The following CAMKMT variants were observed in gnomAD, a reference collection of about 807,000 sequenced individuals.
CAMKMT encodes the protein calmodulin-lysine N-methyltransferase, also known as CaM KMT.
CAMKMT carries 53 observed loss-of-function variants against 48.0 expected under a neutral mutation model. The ratio of observed to expected loss-of-function variants is 1.10; its 90% confidence interval spans 0.89 to 1.39. The LOEUF (loss-of-function observed/expected upper bound fraction) is 1.39. CAMKMT is among the 40% of genes most tolerant of loss of function. CAMKMT has a pLI of 0.00. For missense variants in CAMKMT, 428 were observed against 402.7 expected (o/e 1.06, Z -0.54); for synonymous variants, 165 against 152.3 (o/e 1.08, Z -0.61).
intron 3 of CAMKMT, among the ~76,000 whole-genome samples, chr2:44,441,553 A>C (rs1366175534): frequency 1.3e-5 from 2 of 152,184 alleles, no homozygotes; most frequent in African/African-American, 4.8e-5. Flanking sequence ...GCGCTATCTT[A>C]GGGTAGGGTT....
At chr2:44,637,960 G>T (rs946680442) in intron 3 of CAMKMT, among the ~76,000 whole-genome samples, 49 of 151,534 alleles carry the variant, frequency 3.2e-4, no homozygotes, top group Non-Finnish European at 7.1e-4. Flanking sequence ...GGCTACTTGG[G>T]AGGCTGAGGC....
intron 3 of CAMKMT, among the ~76,000 whole-genome samples, chr2:44,573,942 A>C (rs1669062649): frequency 6.6e-6 from 1 of 152,100 alleles, no homozygotes; most frequent in Non-Finnish European, 1.5e-5. Context: ...ATTATTTTAT[A>C]GTTATGTTTT....
chr2:44,419,859 C>A (rs1243616939), intron 3 of CAMKMT, among the ~76,000 whole-genome samples: 1 of 152,126 alleles, frequency 6.6e-6, no homozygotes, highest in African/African-American at 2.4e-5. Context: ...TATGGTGAGA[C>A]CTCCCCTCTT....
intron 3 of CAMKMT, among the ~76,000 whole-genome samples, chr2:44,460,659 GGGGA>G (rs1271283689): frequency 2.0e-5 from 3 of 151,802 alleles, no homozygotes; most frequent in Non-Finnish European, 4.4e-5. Flanking sequence ...TTTCTTTACA[GGGGA>G]GGTAATAAAC....
intron 3 of CAMKMT, among the ~76,000 whole-genome samples, chr2:44,500,084 T>C (rs940026577): frequency 3.9e-5 from 6 of 152,136 alleles, no homozygotes; most frequent in Non-Finnish European, 8.8e-5. Flanking sequence ...TTAAAATACA[T>C]GAAAAGGACA....
chr2:44,442,883 C>T (rs867082728), intron 3 of CAMKMT, among the ~76,000 whole-genome samples: 6 of 152,148 alleles, frequency 3.9e-5, no homozygotes, highest in South Asian at 2.1e-4. Context: ...TTAATAGGTG[C>T]TCAATAAATG....
At chr2:44,547,773 C>G (rs892579594) in intron 3 of CAMKMT, among the ~76,000 whole-genome samples, 1 of 152,130 alleles carries the variant, frequency 6.6e-6, no homozygotes, top group Non-Finnish European at 1.5e-5. Flanking sequence ...ATATATCTGA[C>G]ACATAGGAGA....
At chr2:44,446,278 C>G (rs1273314090) in intron 3 of CAMKMT, among the ~76,000 whole-genome samples, 1 of 151,966 alleles carries the variant, frequency 6.6e-6, no homozygotes, top group African/African-American at 2.4e-5. Context: ...AGTTATGTGT[C>G]AGGTTCAGTT....
intron 3 of CAMKMT, among the ~76,000 whole-genome samples, chr2:44,659,702 A>G (rs1159466453): frequency 3.3e-5 from 5 of 152,030 alleles, no homozygotes; most frequent in Admixed American, 6.6e-5. Flanking sequence ...CCCTTAATTT[A>G]TACTGTCTAT....
chr2:44,741,244 C>T (rs1488530130), intron 7 of CAMKMT, among the ~76,000 whole-genome samples: 1 of 152,220 alleles, frequency 6.6e-6, no homozygotes, highest in Non-Finnish European at 1.5e-5. Context: ...AGTGGAAGCA[C>T]ATGCTCTCAC....
At chr2:44,584,277 A>C (rs753082603) in intron 3 of CAMKMT, among the ~76,000 whole-genome samples, 3 of 152,252 alleles carry the variant, frequency 2.0e-5, no homozygotes, top group Non-Finnish European at 4.4e-5. Flanking sequence ...ACTGACAAAA[A>C]TAAACCTTAA....
chr2:44,372,702 G>A lies in CAMKMT; in HGVS notation c.139-14G>A. The A allele has an allele frequency of 1.2e-6, 2 of 1,605,086 alleles. No homozygotes were observed. Among genetic ancestry groups the A allele is most frequent in the African/African-American group, 2.7e-5 (2 of 74,246 alleles). On this transcript the variant is annotated splice_polypyrimidine_tract_variant and intron_variant, in intron 1 of 10. Transcript: ENST00000378494. ...TTAGATAACATGACTGCAATATTTG[G>A]CTTTATTTCAAAGGTTCTGAAGCAA...
chr2:44,705,349 C>G, intron 4 of CAMKMT: 1 of 985,312 alleles, frequency 1.0e-6, no homozygotes. Context: ...GAAGAGGAAA[C>G]AATCCTAAGA....
intron 3 of CAMKMT, among the ~76,000 whole-genome samples, chr2:44,546,200 C>T (rs998124651): frequency 4.2e-5 from 6 of 143,538 alleles, no homozygotes; most frequent in Admixed American, 7.5e-5. Context: ...CACACACACA[C>T]ACATACATGC....
intron 3 of CAMKMT, among the ~76,000 whole-genome samples, chr2:44,558,862 G>A (rs570660139): frequency 2.6e-5 from 4 of 152,058 alleles, no homozygotes; most frequent in South Asian, 2.1e-4. Context: ...GGGATTATTC[G>A]TACACCAAAC....
intron 7 of CAMKMT, chr2:44,723,655 AAAT>A (rs996745274): frequency 2.0e-5 from 3 of 149,320 alleles, no homozygotes; most frequent in African/African-American, 5.1e-5. Flanking sequence ...TAAATAAATA[AAAT>A]AATAAAGTTG....
At chr2:44,381,507 G>A (rs564612732) in intron 2 of CAMKMT, among the ~76,000 whole-genome samples, 1 of 152,236 alleles carries the variant, frequency 6.6e-6, no homozygotes, top group South Asian at 2.1e-4. Context: ...AAATAGATTT[G>A]ATGTTTTCCA....
chr2:44,477,096 G>T (rs1256760847), intron 3 of CAMKMT, among the ~76,000 whole-genome samples: 3 of 152,082 alleles, frequency 2.0e-5, no homozygotes, highest in African/African-American at 7.2e-5. Context: ...AACATTGTAG[G>T]CATGTATTAC....
At chr2:44,426,838 A>G (rs1459741914) in intron 3 of CAMKMT, among the ~76,000 whole-genome samples, 1 of 152,202 alleles carries the variant, frequency 6.6e-6, no homozygotes, top group Non-Finnish European at 1.5e-5. Context: ...ATTCATATGG[A>G]ACCAAAAAAG....
Sources: allele counts gnomAD v4.1 joint callset (sites outside exome capture counted in the v4.1 genomes callset), GRCh38; gene constraint gnomAD v4.1.1; transcripts MANE v1.5; gene names NCBI Gene and HGNC (gene_info 2026-07-23, HGNC 2026-07-21).